Variants in GLG1 observed in about 807,000 individuals in gnomAD.
The protein encoded by GLG1 is Golgi apparatus protein 1.
In GLG1, 38 loss-of-function variants were observed where a neutral mutation model predicts 160.5. The observed-to-expected ratio is 0.24, with a 90% confidence interval of 0.18 to 0.31. GLG1 has a LOEUF of 0.31. Among genes scored for constraint, GLG1 ranks in the 10% least tolerant of loss-of-function variants. The pLI, the probability that GLG1 is intolerant of heterozygous loss-of-function variation, is 1.00. For synonymous variants in GLG1, 644 were observed against 543.4 expected, an observed-to-expected ratio of 1.19 and a Z score of -2.57; for missense variants, 1,373 against 1,505.2, an observed-to-expected ratio of 0.91 and a Z score of 1.45.
At position 74,503,599 on chromosome 16, in the gene GLG1, C is replaced by T; in HGVS notation, c.706G>A (p.Gly236Ser). 1 of 1,613,892 alleles carries T rather than the reference C, an allele frequency of 6.2e-7. No individual in the cohort carries two copies. Among genetic ancestry groups the T allele is most frequent in the Non-Finnish European group, 8.5e-7 (1 of 1,179,822 alleles). The change falls in exon 4 of 26, where the codon GGC (glycine) becomes AGC (serine). Residue 236 changes from glycine (G) to serine (S), a missense_variant. Around this residue, in one of 4 missense-constraint regions of GLG1, gnomAD observed 174 missense variants for 229.9 expected, o/e 0.76. Transcript: ENST00000422840. The stretch of plus-strand genomic sequence containing the variant: ...TCATTTTTGCAGTCATCCATGAAGC[C>T]ACAGATTAAACGGTAATCACTAAAA... ...IIFSDYRLIC[G>S]FMDDCKNDIN...
chr16:74,596,117 C>T (rs186984191), intron 1 of GLG1, among the ~76,000 whole-genome samples: 1 of 152,162 alleles, frequency 6.6e-6, no homozygotes, highest in Non-Finnish European at 1.5e-5. Flanking sequence ...CCAAATTTGG[C>T]AGAACTTAAT....
chr16:74,587,906 C>T (rs1233461911), intron 1 of GLG1, among the ~76,000 whole-genome samples: 2 of 152,088 alleles, frequency 1.3e-5, no homozygotes, highest in African/African-American at 4.8e-5. Context: ...TAAAGAAAAA[C>T]ATGAACATAA....
intron 9 of GLG1, among the ~76,000 whole-genome samples, chr16:74,484,653 C>T (rs928468797): frequency 1.7e-4 from 26 of 152,192 alleles, no homozygotes; most frequent in African/African-American, 5.5e-4. Context: ...CCCAGCTACT[C>T]GGGAGGCTGA....
At chr16:74,511,151 T>G (rs1597288735) in intron 2 of GLG1, among the ~76,000 whole-genome samples, 2 of 151,776 alleles carry the variant, frequency 1.3e-5, no homozygotes, top group African/African-American at 2.4e-5. Context: ...GAAGAGAAAG[T>G]AGGGGGTGAC....
chr16:74,504,583 T>C (rs1244615812), intron 3 of GLG1, among the ~76,000 whole-genome samples: 1 of 152,218 alleles, frequency 6.6e-6, no homozygotes, highest in East Asian at 1.9e-4. Flanking sequence ...CCACCTCACC[T>C]GGCCTACTTC....
At chr16:74,516,095 CAAT>C (rs1275811723) in intron 2 of GLG1, among the ~76,000 whole-genome samples, 1 of 151,610 alleles carries the variant, frequency 6.6e-6, no homozygotes, top group Non-Finnish European at 1.5e-5. Flanking sequence ...GACTCTCACA[CAAT>C]AATAATGGGA....
intron 16 of GLG1, 59 bp downstream of exon 16, chr16:74,469,926 C>A: frequency 9.3e-7 from 1 of 1,074,008 alleles, no homozygotes; most frequent in South Asian, 1.2e-5. Context: ...CTCGCATACT[C>A]ATTCCGGAGC....
At chr16:74,570,671 G>A (rs2018799205) in intron 1 of GLG1, among the ~76,000 whole-genome samples, 1 of 152,124 alleles carries the variant, frequency 6.6e-6, no homozygotes, top group Non-Finnish European at 1.5e-5. Flanking sequence ...CAGGGCAGGA[G>A]CATCACTTGA....
In GLG1 at chr16:74,602,798, G is replaced by C. The variant is rs542300200; in HGVS notation, c.438+3859C>G. 2.0e-5 allele frequency among the ~76,000 whole-genome samples: 3 copies of C among 149,694 alleles called. No individual in the cohort carries two copies. In the South Asian group the frequency reaches 6.4e-4, roughly 32 times the overall value. ...ACTCTGTCTCTCAAAAAAAAAAAAG[G>C]GTGGGAACAGTTGAAGCTGGGTGAT... is the stretch of plus-strand genomic sequence containing the variant. On this transcript the variant is annotated intron_variant, in intron 1 of 25. Coordinates refer to ENST00000422840, the MANE Select transcript of GLG1 (RefSeq NM_001145667.2).
chr16:74,492,954 T>TA lies in GLG1; in HGVS notation c.1234+2dup. 1 of 1,562,932 alleles carries TA rather than the reference T, an allele frequency of 6.4e-7. No homozygotes were observed. Among genetic ancestry groups the TA allele is most frequent in the Non-Finnish European group, 8.7e-7 (1 of 1,154,716 alleles). On this transcript the variant is annotated splice_region_variant and intron_variant, in intron 7 of 25. Transcript: ENST00000422840. ...ATAATTAAAAAAAAAATATGAATGC[T>TA]ACCTCTGTGTACAGCTGACTCCAGG...
At position 74,470,014 on chromosome 16, in the gene GLG1, C is replaced by G. The variant is rs150370953; in HGVS notation, c.2289G>C (p.Val763=). Residue 763 remains valine (V), a synonymous_variant, in exon 16 of 26, where the codon GTG becomes GTC. Transcript: ENST00000422840. ...TTTTTATGTTTGGGCAAAGCTTCAA[C>G]ACGTCCTCCTTGCAGGCCATTTTAA... ...YKFKMACKED[V]LKLCPNIKKK... The G allele has an allele frequency of 5.5e-5, 88 of 1,607,612 alleles. No homozygotes were observed. In the South Asian group the frequency reaches 7.9e-4, roughly 14 times the overall value.
At chr16:74,477,100 G>A (rs183901821) in intron 12 of GLG1, among the ~76,000 whole-genome samples, 16 of 152,312 alleles carry the variant, frequency 1.1e-4, no homozygotes, top group African/African-American at 3.1e-4. Flanking sequence ...ACCTGTAAGA[G>A]GCAGGCCATA....
intron 1 of GLG1, among the ~76,000 whole-genome samples, chr16:74,588,221 T>C (rs1300206203): frequency 2.0e-5 from 3 of 151,978 alleles, no homozygotes; most frequent in Non-Finnish European, 4.4e-5. Flanking sequence ...GAAGAAATAG[T>C]GGGCAAATAG....
At chr16:74,522,741 T>A (rs1205583189) in intron 2 of GLG1, among the ~76,000 whole-genome samples, 1 of 152,202 alleles carries the variant, frequency 6.6e-6, no homozygotes, top group African/African-American at 2.4e-5. Context: ...TGGAGTGCAG[T>A]GGCGTGAACA....
chr16:74,475,567 C>A (rs571348418), intron 12 of GLG1, among the ~76,000 whole-genome samples: 1 of 152,150 alleles, frequency 6.6e-6, no homozygotes, highest in Non-Finnish European at 1.5e-5. Flanking sequence ...CTTTGGAAAC[C>A]GAGCTGGAGC....
Position 74,448,965 on chromosome 16 carries a change from G to T in GLG1, c.*4202C>A, listed in dbSNP as rs1043257305. The stretch of plus-strand genomic sequence containing the variant: ...AAAATACAAAAATTAGCTGGGTGTG[G>T]TGGTGCATGCCTGTAATCCCAGCTA... On this transcript the variant is annotated 3_prime_UTR_variant, in exon 26 of 26. Transcript: ENST00000422840. 2 of 152,612 alleles carry T rather than the reference G, an allele frequency of 1.3e-5. No homozygotes were observed. Among genetic ancestry groups the T allele is most frequent in the Non-Finnish European group, 2.9e-5 (2 of 68,492 alleles). The allele number at this position is 152,612 out of a possible 1,614,324, so 9.5% of individuals were successfully genotyped here. A position where few individuals can be genotyped will look rare whatever the true frequency, so the allele number is the denominator to read the frequency against.
Position 74,496,554 on chromosome 16 carries a change from C to G in GLG1, c.865G>C (p.Glu289Gln). 1 of 1,613,518 alleles carries G rather than the reference C, an allele frequency of 6.2e-7. No homozygotes were observed. Among genetic ancestry groups the G allele is most frequent in the Non-Finnish European group, 8.5e-7 (1 of 1,179,506 alleles). Residue 289 changes from glutamate to glutamine, a missense_variant, in exon 5 of 26, where the codon GAA becomes CAA. Physicochemically the swap from Glu to Gln is conservative, Grantham distance 29 (BLOSUM62 2). Coordinates refer to ENST00000422840, the MANE Select transcript of GLG1 (RefSeq NM_001145667.2). ...CGGAGAATGGCTTTCTTGCAGAGTT[C>G]AGAAACTTGAATCTTGGGTTCTCTT... The part of the protein sequence containing the change: ...EEREPKIQVS[E>Q]LCKKAILRVA...
chr16:74,506,601 A>AAAAAAAAAAAAAT (rs2016618049), intron 3 of GLG1, among the ~76,000 whole-genome samples: 1 of 149,186 alleles, frequency 6.7e-6, no homozygotes, highest in African/African-American at 2.4e-5. Context: ...AAAAAAAAAA[A>AAAAAAAAAAAAAT]AAACTCAAGA....
At chr16:74,527,959 AC>A (rs1464644967) in intron 2 of GLG1, among the ~76,000 whole-genome samples, 1 of 145,712 alleles carries the variant, frequency 6.9e-6, no homozygotes, top group Non-Finnish European at 1.5e-5. Flanking sequence ...GTCTCGGCTC[AC>A]TGCCAGCTCC....
Sources: allele counts gnomAD v4.1 joint callset (sites outside exome capture counted in the v4.1 genomes callset), GRCh38; gene constraint gnomAD v4.1.1; regional missense constraint gnomAD v4.1.1; transcripts MANE v1.5; gene names NCBI Gene and HGNC (gene_info 2026-07-23, HGNC 2026-07-21).